C11orf65: variants seen among roughly 807,000 people sequenced by gnomAD.
C11orf65 encodes chromosome 11 open reading frame 65.
Under a neutral mutation model 35.3 loss-of-function variants are expected in C11orf65, and 38 were observed. The observed-to-expected ratio is 1.08, with a 90% confidence interval of 0.83 to 1.41. C11orf65 has a LOEUF of 1.41. Ranked by LOEUF, C11orf65 falls within the 40% of genes most tolerant of loss-of-function variation. The pLI is 0.00. For synonymous variants in C11orf65, 105 were observed against 114.4 expected (o/e 0.92, Z 0.53); for missense variants, 370 against 367.1 (o/e 1.01, Z -0.06).
intron 3 of C11orf65, among the ~76,000 whole-genome samples, chr11:108,408,912 C>T (rs2092606664): frequency 6.6e-6 from 1 of 151,816 alleles, no homozygotes; most frequent in South Asian, 2.1e-4. Flanking sequence ...TTAAAGACAA[C>T]ATTAATTTTG....
downstream of C11orf65, among the ~76,000 whole-genome samples, chr11:108,379,359 C>T (rs1198034994): frequency 1.3e-5 from 2 of 151,538 alleles, no homozygotes; most frequent in Non-Finnish European, 2.9e-5. Flanking sequence ...TCATCATTCT[C>T]AGTAAACTAT....
chr11:108,363,202 G>A (rs948737402), intron 2 of C11orf65, among the ~76,000 whole-genome samples: 8 of 152,072 alleles, frequency 5.3e-5, no homozygotes, highest in Admixed American at 2.6e-4. Context: ...CCAGTCCTCT[G>A]GGACATCATT....
At position 108,332,171 on chromosome 11, in the gene C11orf65, T is replaced by TAATC. The variant is rs2086330669; in HGVS notation, c.300-608_300-605dup. ...AGGCTGGCACGGTGGCTCACGCCTG[T>TAATC]AATCCCAGCACTTTGGGAGGCTGAG... On this transcript the variant is annotated intron_variant, in intron 3 of 3. Coordinates refer to the C11orf65 transcript ENST00000524755. The TAATC allele has an allele frequency of 2.6e-6, 3 of 1,147,918 alleles. No homozygotes were observed. In the South Asian group the frequency reaches 4.1e-5, roughly 16 times the overall value. 71.1% of individuals were successfully genotyped at this position (1,147,918 alleles called of 1,614,324 possible). A position where few individuals can be genotyped will look rare whatever the true frequency, so the allele number is the denominator to read the frequency against.
At chr11:108,319,159 A>C (rs1011092149) in intron 6 of C11orf65, among the ~76,000 whole-genome samples, 1 of 152,226 alleles carries the variant, frequency 6.6e-6, no homozygotes, top group African/African-American at 2.4e-5. Flanking sequence ...CCTAGGCAAC[A>C]GAGTGAGACT....
intron 2 of C11orf65, among the ~76,000 whole-genome samples, chr11:108,433,375 G>A (rs1027444037): frequency 1.3e-5 from 2 of 151,506 alleles, no homozygotes; most frequent in African/African-American, 2.4e-5. Context: ...TCAGGAGATC[G>A]AGACCACCCC....
chr11:108,388,081 T>A (rs1030803415), intron 7 of C11orf65, among the ~76,000 whole-genome samples: 1 of 152,180 alleles, frequency 6.6e-6, no homozygotes. Flanking sequence ...AGGAGCACTA[T>A]AAAGAGTCAT....
intron 2 of C11orf65, among the ~76,000 whole-genome samples, chr11:108,453,689 T>C (rs2093379310): frequency 6.6e-6 from 1 of 152,228 alleles, no homozygotes; most frequent in South Asian, 2.1e-4. Flanking sequence ...TTTTTGTCCT[T>C]TATTCTGTTA....
intron 8 of C11orf65, among the ~76,000 whole-genome samples, chr11:108,385,396 A>G (rs2091967506): frequency 2.0e-5 from 3 of 150,442 alleles, no homozygotes; most frequent in Admixed American, 2.0e-4. Context: ...AAGGATTCAT[A>G]TTTTGGCTAG....
At chr11:108,434,122 A>G (rs2093031105) in intron 2 of C11orf65, among the ~76,000 whole-genome samples, 1 of 152,078 alleles carries the variant, frequency 6.6e-6, no homozygotes, top group Non-Finnish European at 1.5e-5. Context: ...GAGCAAGATG[A>G]CTCATTCCTT....
intron 2 of C11orf65, among the ~76,000 whole-genome samples, chr11:108,445,635 C>A (rs2093242286): frequency 6.6e-6 from 1 of 152,074 alleles, no homozygotes; most frequent in Non-Finnish European, 1.5e-5. Flanking sequence ...TCACCATAAT[C>A]AAACACCAAA....
downstream of C11orf65, chr11:108,329,336 G>A (rs2086017198): frequency 2.7e-6 from 3 of 1,107,672 alleles, no homozygotes; most frequent in African/African-American, 4.8e-5. Flanking sequence ...ATCTGATATA[G>A]TTTTGAGCTC....
chr11:108,468,109 G>A (rs151261228), upstream of C11orf65, among the ~76,000 whole-genome samples: 1 of 152,162 alleles, frequency 6.6e-6, no homozygotes, highest in African/African-American at 2.4e-5. Flanking sequence ...GCCTCCCAAA[G>A]TGCTAGGATT....
chr11:108,368,288 C>T lies in C11orf65; in HGVS notation c.226+24920G>A, dbSNP rs1246719124. 1 of 90,146 alleles carries T rather than the reference C, an allele frequency of 1.1e-5. No homozygotes were observed. Among genetic ancestry groups the T allele is most frequent in the Non-Finnish European group, 2.2e-5 (1 of 44,838 alleles). The allele number at this position is 90,146 out of a possible 1,614,324, so 5.6% of individuals were successfully genotyped here. A position where few individuals can be genotyped will look rare whatever the true frequency, so the allele number is the denominator to read the frequency against. On this transcript the variant is annotated intron_variant, in intron 2 of 3. Transcript: ENST00000524755. ...TTGGCGACAGAGCAAGACTCTGCCT[C>T]AAAAAAAAAAAAAAAAAGGTTTTGG...
chr11:108,443,931 C>A (rs1254850042), intron 2 of C11orf65, among the ~76,000 whole-genome samples: 1 of 151,960 alleles, frequency 6.6e-6, no homozygotes, highest in Non-Finnish European at 1.5e-5. Flanking sequence ...AGAGCAAAAA[C>A]ATTCAAAAGC....
chr11:108,398,320 A>C lies in C11orf65; in HGVS notation c.561-4942T>G, dbSNP rs140984422. Among the ~76,000 whole-genome samples, 386 of 152,354 alleles carry C rather than the reference A, an allele frequency of 2.5e-3. 1 individual carries two copies. The highest frequency in any genetic ancestry group is 8.7e-3 in the African/African-American group (360 of 41,584). ...AGTGGAATTAATAGGACTTGATGACAGATTACATGTAGGCACTAAAAGAGT... is the reference window on the plus strand; with the variant it reads ...AGTGGAATTAATAGGACTTGATGACCGATTACATGTAGGCACTAAAAGAGT... On this transcript the variant is annotated intron_variant, in intron 6 of 8. Coordinates refer to ENST00000393084, the MANE Select transcript of C11orf65 (RefSeq NM_152587.5).
At chr11:108,330,119 C>G, downstream of C11orf65, 1 of 1,418,692 alleles carries the variant, frequency 7.0e-7, no homozygotes, top group East Asian at 2.5e-5. Context: ...GATAAAAACC[C>G]AACTTTTTTC....
chr11:108,335,180 C>T (rs2136670842), intron 3 of C11orf65: 1 of 1,607,322 alleles, frequency 6.2e-7, no homozygotes, highest in Non-Finnish European at 8.5e-7. Flanking sequence ...TATTTTCTTT[C>T]TGCTTTATTT....
At chr11:108,423,326 C>A (rs909773137) in intron 3 of C11orf65, among the ~76,000 whole-genome samples, 15 of 152,198 alleles carry the variant, frequency 9.9e-5, no homozygotes, top group African/African-American at 3.6e-4. Context: ...AAGCTAAGAT[C>A]CACTGGCTTG....
At chr11:108,355,094 G>A in intron 2 of C11orf65, 1 of 561,550 alleles carries the variant, frequency 1.8e-6, no homozygotes, top group South Asian at 2.2e-5. Context: ...GAATGTTAGA[G>A]CATTGTAAGT....
Sources: gnomAD v4.1 joint callset for allele counts (sites outside exome capture counted in the v4.1 genomes callset) on GRCh38, gnomAD v4.1.1 for gene constraint, MANE v1.5 for transcripts, NCBI Gene and HGNC (gene_info 2026-07-23, HGNC 2026-07-21) for gene names.